Variants in ANKRD27 observed in about 807,000 individuals in gnomAD.
The protein encoded by ANKRD27 is ankyrin repeat domain-containing protein 27.
ANKRD27 carries 112 observed loss-of-function variants against 129.7 expected under a neutral mutation model. That is an observed-to-expected ratio of 0.86 (90% CI 0.74 to 1.01). The LOEUF is 1.01. Ranked by LOEUF, ANKRD27 falls within the 50% of genes least tolerant of loss-of-function variation. The pLI, the probability that ANKRD27 is intolerant of heterozygous loss-of-function variation, is 0.00. For missense variants in ANKRD27, 1,258 were observed against 1,300.5 expected, an observed-to-expected ratio of 0.97 and a Z score of 0.50; for synonymous variants, 516 against 511.2, an observed-to-expected ratio of 1.01 and a Z score of -0.13.
At chr19:32,607,882 C>T in intron 22 of ANKRD27, 50 bp from the exon 23 acceptor site, 1 of 1,549,538 alleles carries the variant, frequency 6.5e-7, no homozygotes, top group Non-Finnish European at 8.7e-7. Context: ...ATTGAAGAAA[C>T]TGGGCTGGAG....
chr19:32,668,781 C>T (rs953507291), intron 1 of ANKRD27, among the ~76,000 whole-genome samples: 16 of 151,336 alleles, frequency 1.1e-4, no homozygotes, highest in Non-Finnish European at 4.4e-5. Context: ...GATGGGGTCT[C>T]GCTACATTGC....
chr19:32,606,467 T>C (rs1971738365), intron 23 of ANKRD27, among the ~76,000 whole-genome samples: 1 of 145,378 alleles, frequency 6.9e-6, no homozygotes. Context: ...TCTGAGCTTA[T>C]TGAGAAGACT....
chr19:32,622,403 CAG>C lies in ANKRD27; in HGVS notation c.1827+17_1827+18del. 6.2e-7 allele frequency: 1 copy of C among 1,613,048 alleles called. No individual in the cohort carries two copies. Among genetic ancestry groups the C allele is most frequent in the Non-Finnish European group, 8.5e-7 (1 of 1,179,504 alleles). On this transcript the variant is annotated intron_variant, in intron 18 of 28. Coordinates refer to ENST00000306065, the MANE Select transcript of ANKRD27 (RefSeq NM_032139.3). Reference sequence around the variant, plus strand: ...CTTCTTTCGAAGTCATCTTGCCCCTCAGAGATGGGAAGAGCTACCTTTGAGTT... The same window carrying C: ...CTTCTTTCGAAGTCATCTTGCCCCTCAGATGGGAAGAGCTACCTTTGAGTT...
intron 17 of ANKRD27, among the ~76,000 whole-genome samples, chr19:32,623,630 ACCTCCG>A (rs1259486108): frequency 6.6e-6 from 1 of 151,252 alleles, no homozygotes; most frequent in Non-Finnish European, 1.5e-5. Context: ...GCTCATTGCA[ACCTCCG>A]CCTCCTAGTT....
Position 32,648,311 on chromosome 19 carries a change from G to GT in ANKRD27, c.213+1370dup, listed in dbSNP as rs202238673. On this transcript the variant is annotated intron_variant, in intron 3 of 28. Coordinates refer to ENST00000306065, the MANE Select transcript of ANKRD27 (RefSeq NM_032139.3). Reference sequence around the variant, plus strand: ...TGTGTGATTCTAGAGCTAAGAAGAAGTTTTTTTTGCTATGAAAGATATAAT... The same window carrying GT: ...TGTGTGATTCTAGAGCTAAGAAGAAGTTTTTTTTTGCTATGAAAGATATAAT... 1.4e-3 allele frequency among the ~76,000 whole-genome samples: 218 copies of GT among 152,018 alleles called. 1 individual carries two copies. Among genetic ancestry groups the GT allele is most frequent in the South Asian group, 5.4e-3 (26 of 4,816 alleles).
At chr19:32,629,490 A>G (rs1042286199) in intron 13 of ANKRD27, among the ~76,000 whole-genome samples, 4 of 151,984 alleles carry the variant, frequency 2.6e-5, no homozygotes, top group African/African-American at 7.2e-5. Flanking sequence ...ATTTGAGGTC[A>G]GGAGTTCGAG....
intron 22 of ANKRD27, among the ~76,000 whole-genome samples, chr19:32,614,524 T>G (rs1417672072): frequency 6.6e-6 from 1 of 151,852 alleles, no homozygotes; most frequent in Non-Finnish European, 1.5e-5. Context: ...GCCAACATGG[T>G]GAAACCCTGT....
At chr19:32,642,237 T>C in intron 9 of ANKRD27, 92 bp from the exon 10 acceptor site, 1 of 1,270,994 alleles carries the variant, frequency 7.9e-7, no homozygotes. Flanking sequence ...TCTACACTTC[T>C]CACAACAAAC....
Position 32,643,451 on chromosome 19 carries a change from G to C in ANKRD27, c.619C>G (p.Leu207Val), listed in dbSNP as rs776162244. Residue 207 changes from leucine (L) to valine (V), a missense_variant, in exon 7 of 29, where the codon CTG becomes GTG. By Grantham distance (32) the Leu-to-Val change is conservative. Transcript: ENST00000306065. ...CTCACCTCCACTGCCTGCTTCATCA[G>C]GTTCATCTGGGCCTCCTGCTTGGCG... ...MLAKQEAQMN[L>V]MKQAVEIYVH... 1 of 1,613,778 alleles carries C rather than the reference G, an allele frequency of 6.2e-7. No individual in the cohort carries two copies. The highest frequency in any genetic ancestry group is 2.2e-5 in the East Asian group (1 of 44,838).
In ANKRD27 at chr19:32,628,254, C is replaced by CA. The variant is rs952060098; in HGVS notation, c.1338-90dup. On this transcript the variant is annotated intron_variant, in intron 14 of 28. Transcript: ENST00000306065. ...CAGGTAGATAGGCAGGTACCACAGA[C>CA]AGAAGGCGGCTCACAGGATGCCACC... is the stretch of plus-strand genomic sequence containing the variant. 157 of 1,089,534 alleles carry CA rather than the reference C, an allele frequency of 1.4e-4. No individual in the cohort carries two copies. In the African/African-American group the frequency reaches 2.2e-3, roughly 16 times the overall value. The allele number at this position is 1,089,534 out of a possible 1,614,324, so 67.5% of individuals were successfully genotyped here.
chr19:32,618,077 G>A (rs958812997), intron 20 of ANKRD27, among the ~76,000 whole-genome samples: 2 of 151,982 alleles, frequency 1.3e-5, no homozygotes, highest in African/African-American at 4.8e-5. Context: ...TCCTGTAAAT[G>A]TGTCCCTAAA....
intron 2 of ANKRD27, among the ~76,000 whole-genome samples, chr19:32,656,143 G>GAAAAGAAAAGAAAAGA (rs1430120758): frequency 7.1e-6 from 1 of 140,784 alleles, no homozygotes; most frequent in African/African-American, 2.7e-5. Context: ...AAAAGAAAAA[G>GAAAAGAAAAGAAAAGA]AAAAGCCTGA....
chr19:32,649,779 C>T lies in ANKRD27; in HGVS notation c.116G>A (p.Cys39Tyr). The change falls in exon 3 of 29, where the codon TGC (cysteine) becomes TAC (tyrosine). Residue 39 changes from cysteine (C) to tyrosine (Y), a missense_variant. Transcript: ENST00000306065. ...GATGCTGCTCGACAGGCTTCCTTTG[C>T]AGGGTACTAAGACCTGGAAAAAACA... The part of the protein sequence containing the change: ...AQIHGIVLVP[C>Y]KGSLSSSIQS... The T allele has an allele frequency of 6.2e-7, 1 of 1,613,432 alleles. No homozygotes were observed. Among genetic ancestry groups the T allele is most frequent in the Non-Finnish European group, 8.5e-7 (1 of 1,179,436 alleles).
chr19:32,652,797 G>A (rs927424006), intron 2 of ANKRD27, among the ~76,000 whole-genome samples: 2 of 151,882 alleles, frequency 1.3e-5, no homozygotes, highest in Non-Finnish European at 2.9e-5. Context: ...GCGTGGTGGT[G>A]CACGCCTGTA....
Position 32,619,525 on chromosome 19 carries a change from A to G in ANKRD27, c.1856T>C (p.Leu619Pro). The change falls in exon 19 of 29, where the codon CTG becomes CCG. Residue 619 changes from leucine to proline, a missense_variant. Transcript: ENST00000306065. ...KILSVMEAYH[L>P]SFERRQKSSE... The stretch of plus-strand genomic sequence containing the variant: ...CGACTTCTGCCTCCTCTCGAAGGAC[A>G]GGTGATAGGCTTCCATTACAGACAG... 1 of 1,614,152 alleles carries G rather than the reference A, an allele frequency of 6.2e-7. No individual in the cohort carries two copies. The highest frequency in any genetic ancestry group is 8.5e-7 in the Non-Finnish European group (1 of 1,180,032).
intron 22 of ANKRD27, among the ~76,000 whole-genome samples, chr19:32,613,875 AT>A (rs1971871490): frequency 1.3e-5 from 2 of 151,828 alleles, no homozygotes; most frequent in African/African-American, 4.8e-5. Flanking sequence ...CGCCCAGCTA[AT>A]TTTTTGTATA....
At chr19:32,661,738 C>A (rs1967650121) in intron 1 of ANKRD27, among the ~76,000 whole-genome samples, 1 of 152,138 alleles carries the variant, frequency 6.6e-6, no homozygotes, top group South Asian at 2.1e-4. Flanking sequence ...ATACTCAAAT[C>A]CCATGGTCGG....
In ANKRD27 at chr19:32,622,668, G is replaced by A. The variant is rs118160494; in HGVS notation, c.1630-49C>T. ...ATCGCTCATGGATGTACCAAGCCTC[G>A]ACAAGGTCCGTGCTCTCCTCGACCT... On this transcript the variant is annotated intron_variant, in intron 17 of 28. Transcript: ENST00000306065. 483 of 1,590,176 alleles carry A rather than the reference G, an allele frequency of 3.0e-4. 2 individuals are homozygous for A. In the East Asian group the frequency reaches 0.01, roughly 33 times the overall value.
chr19:32,626,102 C>T (rs1297387426), intron 16 of ANKRD27, 136 bp from the exon 17 acceptor site: 2 of 591,020 alleles, frequency 3.4e-6, no homozygotes, highest in African/African-American at 1.9e-5. Context: ...AAACCAACAC[C>T]CATCATTCCT....
Sources: gnomAD v4.1 joint callset for allele counts (sites outside exome capture counted in the v4.1 genomes callset) on GRCh38, gnomAD v4.1.1 for gene constraint, MANE v1.5 for transcripts, NCBI Gene and HGNC (gene_info 2026-07-23, HGNC 2026-07-21) for gene names.